Variants in KPNA4 observed in about 807,000 individuals in gnomAD.
The protein encoded by KPNA4 is importin subunit alpha-3.
A neutral mutation model predicts 71.3 loss-of-function variants in KPNA4; 13 were observed. That is an observed-to-expected ratio of 0.18 (90% CI 0.12 to 0.29). The LOEUF (loss-of-function observed/expected upper bound fraction) is 0.29. Among genes scored for constraint, KPNA4 ranks in the 10% least tolerant of loss-of-function variants. The probability of loss-of-function intolerance (pLI) is 1.00; values close to 1 mark genes in which losing one functional copy is unlikely to be tolerated. For missense variants in KPNA4, 334 were observed against 603.2 expected, an observed-to-expected ratio of 0.55 and a Z score of 4.67; for synonymous variants, 189 against 195.2, an observed-to-expected ratio of 0.97 and a Z score of 0.26.
intron 13 of KPNA4, among the ~76,000 whole-genome samples, chr3:160,513,249 G>GTTTTTTTTTTTTTTTTT (rs946090860): frequency 1.2e-5 from 1 of 80,626 alleles, no homozygotes; most frequent in Non-Finnish European, 2.3e-5. Context: ...CTACTTTGTG[G>GTTTTTTTTTTTTTTTTT]TTTTTTTTTT....
chr3:160,535,608 TAGCTGTTGAGGA>T (rs1721673158), intron 4 of KPNA4, 41 bp downstream of exon 4: 6 of 1,588,610 alleles, frequency 3.8e-6, no homozygotes, highest in Non-Finnish European at 5.1e-6. Flanking sequence ...ATATCACGAT[TAGCTGTTGAGGA>T]CAAGAAATGC....
chr3:160,506,053 A>G (rs1720976153), intron 15 of KPNA4, among the ~76,000 whole-genome samples: 1 of 152,092 alleles, frequency 6.6e-6, no homozygotes, highest in Non-Finnish European at 1.5e-5. Context: ...TCAATATCCC[A>G]CAATCAAACC....
intron 13 of KPNA4, among the ~76,000 whole-genome samples, chr3:160,513,249 GTTTTTTTT>G (rs946090860): frequency 1.2e-5 from 1 of 80,626 alleles, no homozygotes; most frequent in Admixed American, 1.7e-4. Context: ...CTACTTTGTG[GTTTTTTTT>G]TTTTTTTTTT....
chr3:160,530,356 G>A (rs1334324911), intron 7 of KPNA4, among the ~76,000 whole-genome samples: 3 of 152,002 alleles, frequency 2.0e-5, no homozygotes, highest in Non-Finnish European at 2.9e-5. Context: ...GCACATGCCT[G>A]TAGTCCCAGC....
At chr3:160,544,817 T>G (rs974668658) in intron 1 of KPNA4, among the ~76,000 whole-genome samples, 2 of 152,166 alleles carry the variant, frequency 1.3e-5, no homozygotes, top group African/African-American at 4.8e-5. Flanking sequence ...TTTTTTCCCA[T>G]TTACAAAACT....
intron 1 of KPNA4, among the ~76,000 whole-genome samples, chr3:160,563,093 A>G (rs1722277464): frequency 6.6e-6 from 1 of 152,232 alleles, no homozygotes; most frequent in Non-Finnish European, 1.5e-5. Context: ...TATGTAAAAT[A>G]GCTAAAAAAG....
intron 1 of KPNA4, among the ~76,000 whole-genome samples, chr3:160,538,182 TA>T (rs1280861973): frequency 3.3e-5 from 5 of 150,832 alleles, no homozygotes; most frequent in African/African-American, 1.2e-4. Flanking sequence ...TATGTACATA[TA>T]TATACATATT....
chr3:160,529,194 T>G (rs1422348347), intron 7 of KPNA4, among the ~76,000 whole-genome samples: 1 of 152,094 alleles, frequency 6.6e-6, no homozygotes, highest in African/African-American at 2.4e-5. Context: ...TCAGCCTCCC[T>G]AAGTGCTAGA....
At chr3:160,540,856 G>C (rs1391210234) in intron 1 of KPNA4, among the ~76,000 whole-genome samples, 2 of 152,196 alleles carry the variant, frequency 1.3e-5, no homozygotes, top group Admixed American at 6.5e-5. Context: ...TTCCTCAAAG[G>C]AGGTGGGTAG....
chr3:160,528,796 G>A (rs1721511575), intron 7 of KPNA4, among the ~76,000 whole-genome samples: 4 of 152,214 alleles, frequency 2.6e-5, no homozygotes, highest in Admixed American at 2.6e-4. Flanking sequence ...GGGAAACAGA[G>A]ATAGGTCTGT....
Position 160,505,066 on chromosome 3 carries a change from T to C in KPNA4, c.1373-14A>G, listed in dbSNP as rs753380044. On this transcript the variant is annotated splice_polypyrimidine_tract_variant and intron_variant, in intron 15 of 16. Coordinates refer to ENST00000334256, the MANE Select transcript of KPNA4 (RefSeq NM_002268.5). Reference sequence around the variant, plus strand: ...TTTTCTCCAGCCCTGCAAGAAATTTTGCAATGTGAAACAATAGTAATATTT... The same window carrying C: ...TTTTCTCCAGCCCTGCAAGAAATTTCGCAATGTGAAACAATAGTAATATTT... 1.9e-5 allele frequency: 27 copies of C among 1,409,114 alleles called. No individual in the cohort carries two copies. The South Asian group carries it at 2.4e-4, about 12-fold the overall frequency. 87.3% of individuals were successfully genotyped at this position (1,409,114 alleles called of 1,614,324 possible). A position where few individuals can be genotyped will look rare whatever the true frequency, so the allele number is the denominator to read the frequency against.
At chr3:160,538,137 GTATATATGTA>G (rs1481889668) in intron 1 of KPNA4, among the ~76,000 whole-genome samples, 5 of 149,058 alleles carry the variant, frequency 3.4e-5, no homozygotes, top group East Asian at 1.9e-4. Flanking sequence ...ATATATGTAT[GTATATATGTA>G]TATATATGTA....
At chr3:160,503,549 T>C (rs1328093703) in intron 16 of KPNA4, among the ~76,000 whole-genome samples, 1 of 152,176 alleles carries the variant, frequency 6.6e-6, no homozygotes, top group Non-Finnish European at 1.5e-5. Flanking sequence ...ATTATATACA[T>C]TATTCTATAT....
At chr3:160,524,084 A>G (rs908553739) in intron 10 of KPNA4, among the ~76,000 whole-genome samples, 6 of 152,168 alleles carry the variant, frequency 3.9e-5, no homozygotes, top group African/African-American at 1.4e-4. Flanking sequence ...CATAATTCAA[A>G]TCAAACTTCT....
chr3:160,561,174 T>A (rs1345055881), intron 1 of KPNA4, among the ~76,000 whole-genome samples: 2 of 152,082 alleles, frequency 1.3e-5, no homozygotes, highest in Non-Finnish European at 2.9e-5. Context: ...TTCTTAAAGT[T>A]GTGTTTTTAA....
At chr3:160,532,426 A>T (rs1015867353) in intron 5 of KPNA4, among the ~76,000 whole-genome samples, 1 of 152,220 alleles carries the variant, frequency 6.6e-6, no homozygotes, top group African/African-American at 2.4e-5. Context: ...AAGTTCAACA[A>T]CATTTTCATC....
At position 160,499,374 on chromosome 3, in the gene KPNA4, T is replaced by C. The variant is rs1282370772; in HGVS notation, c.*2730A>G. 2.0e-5 allele frequency: 3 copies of C among 151,946 alleles called. No homozygotes were observed. Among genetic ancestry groups the C allele is most frequent in the African/African-American group, 4.8e-5 (2 of 41,332 alleles). 9.4% of individuals were successfully genotyped at this position (151,946 alleles called of 1,614,324 possible). ...ATGTTCAAAAAGACAGTTTAAGACA[T>C]GAAACGTTAAGAACGTTTAGCTTAT... On this transcript the variant is annotated 3_prime_UTR_variant, in exon 17 of 17. Transcript: ENST00000334256.
rs528552548 is a variant in KPNA4, at chr3:160,524,287, T to C, written c.771+1513A>G. Among the ~76,000 whole-genome samples the C allele has an allele frequency of 1.1e-4, 16 of 152,330 alleles. No homozygotes were observed. The East Asian group carries it at 2.9e-3, about 28-fold the overall frequency. On this transcript the variant is annotated intron_variant, in intron 10 of 16. Transcript: ENST00000334256. ...AAGTCAACCAAGATGTCTTGTTTTC[T>C]AGTAGAGGTATAAACTTTGAAGTTA... is the stretch of plus-strand genomic sequence containing the variant.
intron 1 of KPNA4, among the ~76,000 whole-genome samples, chr3:160,537,784 CTCACATTACAT>C (rs1308973753): frequency 6.6e-6 from 1 of 151,748 alleles, no homozygotes; most frequent in Non-Finnish European, 1.5e-5. Context: ...TTATTTTTCT[CTCACATTACAT>C]ATTCAATCTG....
Sources: allele counts gnomAD v4.1 joint callset (sites outside exome capture counted in the v4.1 genomes callset), GRCh38; gene constraint gnomAD v4.1.1; transcripts MANE v1.5; gene names NCBI Gene and HGNC (gene_info 2026-07-23, HGNC 2026-07-21).